The following ZNF112 variants were observed in gnomAD, a reference collection of about 807,000 sequenced individuals.
The protein encoded by ZNF112 is zinc finger protein 112 (Y14).
A neutral mutation model predicts 77.7 loss-of-function variants in ZNF112; 37 were observed. The ratio of observed to expected loss-of-function variants is 0.48; its 90% CI spans 0.37 to 0.63. The LOEUF is 0.63. Among genes scored for constraint, ZNF112 ranks in the 20% least tolerant of loss-of-function variants. The pLI, the probability that ZNF112 is intolerant of heterozygous loss-of-function variation, is 0.00. For missense variants in ZNF112, 950 were observed against 1,077.4 expected (o/e 0.88, Z 1.66); for synonymous variants, 333 against 363.6 (o/e 0.92, Z 0.96).
At chr19:44,366,730 G>T (rs1008887390) in intron 1 of ZNF112, among the ~76,000 whole-genome samples, 11 of 149,676 alleles carry the variant, frequency 7.3e-5, no homozygotes, top group Non-Finnish European at 7.4e-5. Flanking sequence ...AAATAGCACT[G>T]CAGGTGGAAC....
At chr19:44,339,207 G>A (rs11880913) in intron 2 of ZNF112, among the ~76,000 whole-genome samples, 10,682 of 152,254 alleles carry the variant, frequency 0.07, 492 homozygotes, top group African/African-American at 0.12. Flanking sequence ...AAAGGAAAGA[G>A]TTAGTTTTGT....
intron 3 of ZNF112, 132 bp from the exon 4 acceptor site, chr19:44,330,068 T>C: frequency 3.0e-6 from 2 of 664,060 alleles, no homozygotes; most frequent in Non-Finnish European, 4.9e-6. Flanking sequence ...TTTCTAAGAA[T>C]ACTTAGAAAA....
intron 1 of ZNF112, among the ~76,000 whole-genome samples, chr19:44,355,244 G>C (rs895369744): frequency 5.9e-5 from 9 of 152,022 alleles, no homozygotes; most frequent in Non-Finnish European, 1.3e-4. Context: ...GTTAAACATG[G>C]GTGAAAATCC....
chr19:44,363,366 T>G (rs894139181), intron 1 of ZNF112, among the ~76,000 whole-genome samples: 11 of 152,210 alleles, frequency 7.2e-5, no homozygotes, highest in African/African-American at 2.7e-4. Flanking sequence ...CATTTATGTC[T>G]TAGCCATCTA....
chr19:44,328,506 C>A lies in ZNF112; in HGVS notation c.1651G>T (p.Glu551Ter). 6.3e-7 allele frequency: 1 copy of A among 1,596,588 alleles called. No homozygotes were observed. The highest frequency in any genetic ancestry group is 8.6e-7 in the Non-Finnish European group (1 of 1,168,052). Residue 551 changes from glutamate to a stop codon, truncating the protein, a stop_gained, in exon 4 of 4, where the codon GAA (glutamate) becomes TAA (stop). Transcript: ENST00000354340. LOFTEE classifies it high-confidence loss of function. ...HTGEKPYKCE[E>*]CDKGFSRSSY... ...CTCCGACTGAATCCCTTATCACATT[C>A]CTCGCATTTATAAGGTTTCTCTCCT...
At chr19:44,356,829 G>A (rs1015747871), upstream of ZNF112, 4 of 152,284 alleles carry the variant, frequency 2.6e-5, no homozygotes, top group Non-Finnish European at 5.9e-5. Flanking sequence ...CCACTTATCT[G>A]CCTGCCTAGG....
chr19:44,362,972 A>C (rs762143931), intron 1 of ZNF112, among the ~76,000 whole-genome samples: 2 of 152,000 alleles, frequency 1.3e-5, no homozygotes, highest in African/African-American at 4.8e-5. Context: ...TATTTTACTA[A>C]AAAAAATTTT....
Position 44,354,659 on chromosome 19 carries a change from G to A in ZNF112, c.-4+1967C>T, listed in dbSNP as rs558354667. 5.3e-5 allele frequency among the ~76,000 whole-genome samples: 8 copies of A among 152,296 alleles called. No individual in the cohort carries two copies. The East Asian group carries it at 7.7e-4, about 15-fold the overall frequency. On this transcript the variant is annotated intron_variant, in intron 1 of 3. Coordinates refer to ENST00000354340, the MANE Select transcript of ZNF112 (RefSeq NM_013380.4). Reference sequence around the variant, plus strand: ...ATCCTTGATGCCAGCTGTCTGTTGAGTAGCTACTCTAACCATAAACCCTTA... The same window carrying A: ...ATCCTTGATGCCAGCTGTCTGTTGAATAGCTACTCTAACCATAAACCCTTA...
chr19:44,349,826 G>A (rs910776336), intron 1 of ZNF112, among the ~76,000 whole-genome samples: 3 of 152,076 alleles, frequency 2.0e-5, no homozygotes, highest in Non-Finnish European at 4.4e-5. Flanking sequence ...AAGACCAACT[G>A]CTCTAAGAGT....
At chr19:44,343,294 G>C in intron 1 of ZNF112, 1 of 1,612,292 alleles carries the variant, frequency 6.2e-7, no homozygotes, top group Non-Finnish European at 8.5e-7. Flanking sequence ...TCTAGAGAAA[G>C]GCAGAGACCT....
At chr19:44,339,070 A>T (rs1568667104) in intron 2 of ZNF112, among the ~76,000 whole-genome samples, 1 of 152,108 alleles carries the variant, frequency 6.6e-6, no homozygotes, top group East Asian at 1.9e-4. Context: ...CAAAAGAAAA[A>T]ATATATATAT....
intron 3 of ZNF112, among the ~76,000 whole-genome samples, chr19:44,331,640 C>A (rs1418031768): frequency 6.6e-6 from 1 of 152,138 alleles, no homozygotes; most frequent in Non-Finnish European, 1.5e-5. Context: ...TGTTTGTCTG[C>A]CTCTCCACAC....
At position 44,329,324 on chromosome 19, in the gene ZNF112, T is replaced by C. The variant is rs534048633; in HGVS notation, c.833A>G (p.Lys278Arg). The C allele has an allele frequency of 1.2e-6, 2 of 1,613,822 alleles. No individual in the cohort carries two copies. The highest frequency in any genetic ancestry group is 1.7e-5 in the Admixed American group (1 of 59,994). ...TCCACATGAACTGTATGTATAGGGC[T>C]TCCCTTCCAAGTGGAACTGCTGATG... is the stretch of plus-strand genomic sequence containing the variant. ...EVHQQFHLEG[K>R]PYTYSSCGKG... The change falls in exon 4 of 4, where the codon AAG becomes AGG. Residue 278 changes from lysine (K) to arginine (R), a missense_variant. Physicochemically the swap from Lys to Arg is conservative, Grantham distance 26. Around this residue, in one of 3 missense-constraint regions of ZNF112, gnomAD observed 560 missense variants for 557.3 expected, o/e 1.00. Transcript: ENST00000354340.
Position 44,329,630 on chromosome 19 carries a change from G to C in ZNF112, c.527C>G (p.Ser176Cys). ...QGYPSWRAHHSWRKMYLKESH... is the reference protein window; with the variant it reads ...QGYPSWRAHHCWRKMYLKESH... ...CTCTTTCAGATACATTTTCCTCCAA[G>C]AATGATGTGCCCTCCAAGATGGATA... The change falls in exon 4 of 4, where the codon TCT (serine) becomes TGT (cysteine). Residue 176 changes from serine to cysteine, a missense_variant. This residue lies in a region of ZNF112 where 560 missense variants were observed against 557.3 expected (regional missense o/e 1.00). Transcript: ENST00000354340. 6.2e-7 allele frequency: 1 copy of C among 1,614,106 alleles called. No individual in the cohort carries two copies. The highest frequency in any genetic ancestry group is 8.5e-7 in the Non-Finnish European group (1 of 1,180,016).
In ZNF112 at chr19:44,331,357, T is replaced by C. The variant is rs16978966; in HGVS notation, c.221-1421A>G. Among the ~76,000 whole-genome samples, 1,414 of 152,276 alleles carry C rather than the reference T, an allele frequency of 9.3e-3. 26 individuals are homozygous for C. The highest frequency in any genetic ancestry group is 0.033 in the African/African-American group (1,370 of 41,556). On this transcript the variant is annotated intron_variant, in intron 3 of 3. Transcript: ENST00000354340. ...AAAATTATGTTAGTGTTTAGGAAAT[T>C]TGAGGCACCAGAAAGGGTTGAAGAC...
Position 44,327,933 on chromosome 19 carries a change from G to A in ZNF112, c.2224C>T (p.Pro742Ser), listed in dbSNP as rs1970162689. 6.2e-7 allele frequency: 1 copy of A among 1,612,986 alleles called. No homozygotes were observed. Among genetic ancestry groups the A allele is most frequent in the African/African-American group, 1.3e-5 (1 of 74,464 alleles). Residue 742 changes from proline (P) to serine (S), a missense_variant, in exon 4 of 4, where the codon CCG becomes TCG. By Grantham distance (74) the Pro-to-Ser change is moderately conservative (BLOSUM62 -1). This residue lies in a region of ZNF112 where 373 missense variants were observed against 482.8 expected (regional missense o/e 0.77). Transcript: ENST00000354340. ...GHQRVHTRVKPYKCEMCGKGF... is the reference protein window; with the variant it reads ...GHQRVHTRVKSYKCEMCGKGF... ...TTCCCACACATCTCACATTTATACG[G>A]TTTCACTCTAGTGTGGACTCTCTGA...
At chr19:44,351,929 C>T (rs1182130003) in intron 1 of ZNF112, among the ~76,000 whole-genome samples, 1 of 151,852 alleles carries the variant, frequency 6.6e-6, no homozygotes, top group East Asian at 1.9e-4. Context: ...CCTTCAAAGA[C>T]ACAAAACACA....
intron 1 of ZNF112, among the ~76,000 whole-genome samples, chr19:44,366,677 C>T (rs1285373188): frequency 6.6e-6 from 1 of 150,426 alleles, no homozygotes; most frequent in Non-Finnish European, 1.5e-5. Context: ...AAAGGGAATC[C>T]AGGAATCGTC....
intron 3 of ZNF112, among the ~76,000 whole-genome samples, chr19:44,334,843 C>A (rs1026434680): frequency 6.6e-6 from 1 of 152,246 alleles, no homozygotes; most frequent in African/African-American, 2.4e-5. Flanking sequence ...GATGTCCAGG[C>A]AGAAGTCTGC....
Sources: gnomAD v4.1 joint callset for allele counts (sites outside exome capture counted in the v4.1 genomes callset) on GRCh38, gnomAD v4.1.1 for gene constraint, gnomAD v4.1.1 regional missense constraint, MANE v1.5 for transcripts, NCBI Gene and HGNC (gene_info 2026-07-23, HGNC 2026-07-21) for gene names.